ADAM23: variants seen among roughly 807,000 people sequenced by gnomAD.
The protein encoded by ADAM23 is ADAM metallopeptidase domain 23, also known as disintegrin and metalloproteinase domain-containing protein 23.
ADAM23 carries 33 observed loss-of-function variants against 120.1 expected under a neutral mutation model. The ratio of observed to expected loss-of-function variants is 0.27; its 90% confidence interval spans 0.21 to 0.37. ADAM23 has a LOEUF of 0.37. Among genes scored for constraint, ADAM23 ranks in the 10% least tolerant of loss-of-function variants. The probability of loss-of-function intolerance (pLI) is 1.00; values close to 1 mark genes in which losing one functional copy is unlikely to be tolerated. For synonymous variants in ADAM23, 367 were observed against 375.2 expected, an observed-to-expected ratio of 0.98 and a Z score of 0.25; for missense variants, 862 against 1,058.2, an observed-to-expected ratio of 0.81 and a Z score of 2.57.
chr2:206,446,918 T>C (rs764769777), intron 2 of ADAM23, among the ~76,000 whole-genome samples: 3 of 152,214 alleles, frequency 2.0e-5, no homozygotes, highest in Non-Finnish European at 4.4e-5. Context: ...ATAAAATGCA[T>C]TGAGGCTTTT....
chr2:206,543,200 G>A (rs1697328781), intron 5 of ADAM23, 53 bp from the exon 6 acceptor site: 1 of 1,498,558 alleles, frequency 6.7e-7, no homozygotes, highest in African/African-American at 1.4e-5. Flanking sequence ...GCTATTTCTT[G>A]CCATTTCCTG....
intron 18 of ADAM23, among the ~76,000 whole-genome samples, chr2:206,584,504 C>T (rs1349636161): frequency 6.6e-6 from 1 of 152,048 alleles, no homozygotes; most frequent in Non-Finnish European, 1.5e-5. Flanking sequence ...CTCCTGGCTT[C>T]CCCCACTTTC....
At chr2:206,584,904 T>C (rs902066632) in intron 18 of ADAM23, among the ~76,000 whole-genome samples, 3 of 152,172 alleles carry the variant, frequency 2.0e-5, no homozygotes, top group Non-Finnish European at 4.4e-5. Flanking sequence ...CAGTGAACTC[T>C]CAGGGCCTTT....
At chr2:206,468,118 C>T (rs985028645) in intron 2 of ADAM23, among the ~76,000 whole-genome samples, 7 of 152,178 alleles carry the variant, frequency 4.6e-5, no homozygotes, top group Non-Finnish European at 8.8e-5. Flanking sequence ...GTGAGAGTCT[C>T]TAAAATGCCT....
At chr2:206,560,707 T>C in intron 11 of ADAM23, among the ~76,000 whole-genome samples, 1 of 152,230 alleles carries the variant, frequency 6.6e-6, no homozygotes, top group Non-Finnish European at 1.5e-5. Flanking sequence ...GGTTCTGTCC[T>C]GGAATCAAAC....
In ADAM23 at chr2:206,538,592, A is replaced by G. The variant is rs1056173348; in HGVS notation, c.574-3460A>G. On this transcript the variant is annotated intron_variant, in intron 4 of 25. Transcript: ENST00000264377. Reference sequence around the variant, plus strand: ...AAATATCAGTGTATGGTCACTATCAATGTCCAGGTTTTTGGGAGTTTCATA... The same window carrying G: ...AAATATCAGTGTATGGTCACTATCAGTGTCCAGGTTTTTGGGAGTTTCATA... Among the ~76,000 whole-genome samples the G allele has an allele frequency of 5.9e-5, 9 of 152,328 alleles. No individual in the cohort carries two copies. In the South Asian group the frequency reaches 1.0e-3, roughly 18 times the overall value.
At chr2:206,496,816 G>T (rs565167253) in intron 3 of ADAM23, among the ~76,000 whole-genome samples, 1 of 151,676 alleles carries the variant, frequency 6.6e-6, no homozygotes, top group Non-Finnish European at 1.5e-5. Flanking sequence ...ATGACAAAGG[G>T]GATATCACCA....
chr2:206,523,940 C>T (rs184526486), intron 3 of ADAM23, among the ~76,000 whole-genome samples: 58 of 152,032 alleles, frequency 3.8e-4, no homozygotes, highest in Non-Finnish European at 7.1e-4. Flanking sequence ...GCTCGAGGCT[C>T]CATGAAGTTG....
At chr2:206,447,267 A>T (rs1420681589) in intron 2 of ADAM23, among the ~76,000 whole-genome samples, 2 of 152,208 alleles carry the variant, frequency 1.3e-5, no homozygotes, top group African/African-American at 4.8e-5. Context: ...GGTTTCTTTT[A>T]TACTGTACTT....
At chr2:206,612,415 A>AT (rs1275553879) in intron 25 of ADAM23, among the ~76,000 whole-genome samples, 1 of 152,228 alleles carries the variant, frequency 6.6e-6, no homozygotes, top group East Asian at 1.9e-4. Context: ...TTCCTTTAGA[A>AT]TCAGAAGTTG....
At chr2:206,597,178 C>CTTTT (rs1173847537) in intron 24 of ADAM23, among the ~76,000 whole-genome samples, 5 of 126,122 alleles carry the variant, frequency 4.0e-5, no homozygotes, top group African/African-American at 6.0e-5. Flanking sequence ...CTTACATCAT[C>CTTTT]TTTTTTTTTT....
In ADAM23 at chr2:206,619,072, A is replaced by C. The variant is rs1428497394; in HGVS notation, c.*1445A>C. ...CCTGCCTCAAAATATATATGGTAGA[A>C]CCCTATTGGAAAAGTGGTAATGGGA... On this transcript the variant is annotated 3_prime_UTR_variant, in exon 26 of 26. Coordinates refer to ENST00000264377, the MANE Select transcript of ADAM23 (RefSeq NM_003812.4). The C allele has an allele frequency of 2.6e-5, 4 of 152,180 alleles. No individual in the cohort carries two copies. The highest frequency in any genetic ancestry group is 5.9e-5 in the Non-Finnish European group (4 of 68,042). 9.4% of individuals were successfully genotyped at this position (152,180 alleles called of 1,614,324 possible).
chr2:206,497,453 C>T (rs938017357), intron 3 of ADAM23, among the ~76,000 whole-genome samples: 2 of 152,108 alleles, frequency 1.3e-5, no homozygotes, highest in African/African-American at 4.8e-5. Flanking sequence ...AATTCAACAA[C>T]CCTTCATGCT....
At chr2:206,564,631 G>GA (rs1697842237) in intron 13 of ADAM23, among the ~76,000 whole-genome samples, 1 of 152,162 alleles carries the variant, frequency 6.6e-6, no homozygotes, top group African/African-American at 2.4e-5. Flanking sequence ...TGAGACCCAG[G>GA]AAATGCTAAG....
At chr2:206,462,620 A>G (rs1258458382) in intron 2 of ADAM23, among the ~76,000 whole-genome samples, 2 of 152,222 alleles carry the variant, frequency 1.3e-5, no homozygotes, top group Non-Finnish European at 2.9e-5. Context: ...CCCTGGGGAG[A>G]AAAGTAAACT....
At chr2:206,510,855 A>G (rs1000292951) in intron 3 of ADAM23, among the ~76,000 whole-genome samples, 2 of 152,220 alleles carry the variant, frequency 1.3e-5, no homozygotes, top group Non-Finnish European at 2.9e-5. Context: ...TTTCTTTATC[A>G]GTAACTTCCA....
intron 5 of ADAM23, 34 bp downstream of exon 5, chr2:206,542,168 G>C (rs1317449760): frequency 6.3e-7 from 1 of 1,594,828 alleles, no homozygotes; most frequent in South Asian, 1.1e-5. Context: ...TTTATTCATT[G>C]ACCCTTTCCA....
At chr2:206,568,074 G>A (rs897349205) in intron 15 of ADAM23, among the ~76,000 whole-genome samples, 1 of 152,130 alleles carries the variant, frequency 6.6e-6, no homozygotes, top group African/African-American at 2.4e-5. Context: ...AGATTTGGGT[G>A]GGGACACAGA....
intron 2 of ADAM23, among the ~76,000 whole-genome samples, chr2:206,478,811 C>G (rs1254336356): frequency 6.6e-6 from 1 of 152,124 alleles, no homozygotes; most frequent in East Asian, 1.9e-4. Flanking sequence ...TAAATGTTTT[C>G]CTCCATGCCT....
Sources: allele counts gnomAD v4.1 joint callset (sites outside exome capture counted in the v4.1 genomes callset), GRCh38; gene constraint gnomAD v4.1.1; transcripts MANE v1.5; gene names NCBI Gene and HGNC (gene_info 2026-07-23, HGNC 2026-07-21).